Variants in NFATC1 observed in about 807,000 individuals in gnomAD.
The protein encoded by NFATC1 is nuclear factor of activated T cells 1, also known as nuclear factor of activated T-cells, cytoplasmic 1.
NFATC1 carries 22 observed loss-of-function variants against 76.0 expected under a neutral mutation model. That is an observed-to-expected ratio of 0.29 (90% CI 0.21 to 0.41). The LOEUF (loss-of-function observed/expected upper bound fraction) is 0.41, where lower values mean the gene tolerates loss of function less well. NFATC1 is among the 10% of genes least tolerant of loss of function. The pLI is 1.00. For synonymous variants in NFATC1, 704 were observed against 613.1 expected (o/e 1.15, Z -2.19); for missense variants, 1,357 against 1,337.7 (o/e 1.01, Z -0.23).
At chr18:79,503,640 T>A (rs2090059412) in intron 9 of NFATC1, among the ~76,000 whole-genome samples, 1 of 152,136 alleles carries the variant, frequency 6.6e-6, no homozygotes, top group African/African-American at 2.4e-5. Flanking sequence ...GGACACTGGA[T>A]TCAACTTAAA....
intron 9 of NFATC1, among the ~76,000 whole-genome samples, chr18:79,525,632 C>T (rs1291631970): frequency 6.6e-6 from 1 of 152,220 alleles, no homozygotes; most frequent in Admixed American, 6.5e-5. Context: ...GTGTCCCCAC[C>T]TTTCCCCTGT....
At chr18:79,443,370 A>G (rs1250054643) in intron 3 of NFATC1, among the ~76,000 whole-genome samples, 1 of 152,204 alleles carries the variant, frequency 6.6e-6, no homozygotes, top group African/African-American at 2.4e-5. Flanking sequence ...GGTCAGTCAC[A>G]CGGATTCTGC....
chr18:79,502,844 A>T (rs577203991), intron 9 of NFATC1, among the ~76,000 whole-genome samples: 1 of 152,318 alleles, frequency 6.6e-6, no homozygotes, highest in Non-Finnish European at 1.5e-5. Flanking sequence ...AGACGAGGAG[A>T]AATTGGGCCC....
intron 2 of NFATC1, among the ~76,000 whole-genome samples, chr18:79,432,896 T>C (rs73969249): frequency 0.053 from 8,018 of 152,288 alleles, 707 homozygotes; most frequent in African/African-American, 0.18. Flanking sequence ...AGCTGGGCTG[T>C]AGGCTCTGAG....
chr18:79,455,234 A>G (rs1478799316), intron 6 of NFATC1, among the ~76,000 whole-genome samples: 2 of 152,174 alleles, frequency 1.3e-5, no homozygotes. Context: ...CGCGGAAGCC[A>G]CACTACGACG....
At chr18:79,405,260 G>C (rs553779439) in intron 1 of NFATC1, among the ~76,000 whole-genome samples, 2 of 152,326 alleles carry the variant, frequency 1.3e-5, no homozygotes, top group South Asian at 4.1e-4. Context: ...TCATTGCTTA[G>C]AATCCAGCTG....
At chr18:79,429,784 G>A (rs1186422011) in intron 2 of NFATC1, among the ~76,000 whole-genome samples, 1 of 152,176 alleles carries the variant, frequency 6.6e-6, no homozygotes, top group African/African-American at 2.4e-5. Flanking sequence ...AACCATTCTT[G>A]CTGTAAGCCA....
intron 8 of NFATC1, among the ~76,000 whole-genome samples, chr18:79,485,273 C>T (rs2089460775): frequency 2.6e-5 from 4 of 152,256 alleles, no homozygotes; most frequent in Admixed American, 2.6e-4. Flanking sequence ...GCGTAGCATT[C>T]GCTCAGAGTG....
At chr18:79,495,378 A>G (rs2089852068) in intron 9 of NFATC1, among the ~76,000 whole-genome samples, 1 of 152,262 alleles carries the variant, frequency 6.6e-6, no homozygotes, top group African/African-American at 2.4e-5. Flanking sequence ...TCTAGTTGAA[A>G]TATCAGTCTA....
intron 8 of NFATC1, among the ~76,000 whole-genome samples, chr18:79,476,437 G>T (rs1414706853): frequency 6.6e-6 from 1 of 152,224 alleles, no homozygotes; most frequent in African/African-American, 2.4e-5. Flanking sequence ...AGCGTCCTTT[G>T]TCATCAGCCT....
intron 6 of NFATC1, among the ~76,000 whole-genome samples, 159 bp from the exon 7 acceptor site, chr18:79,461,152 G>A (rs903697698): frequency 6.6e-6 from 1 of 152,228 alleles, no homozygotes; most frequent in African/African-American, 2.4e-5. Flanking sequence ...GGCTCCTGAG[G>A]TGCTGCCCTC....
chr18:79,444,096 G>A lies in NFATC1; in HGVS notation c.1387-4686G>A, dbSNP rs141182282. On this transcript the variant is annotated intron_variant, in intron 3 of 9. Coordinates refer to ENST00000427363, the MANE Select transcript of NFATC1 (RefSeq NM_001278669.2). ...GGAGGCTGGCAACTGTGGCCAAACA[G>A]GTAGAAATAAAACCTGAAATGAGAA... 6.6e-5 allele frequency among the ~76,000 whole-genome samples: 10 copies of A among 152,350 alleles called. No individual in the cohort carries two copies. In the East Asian group the frequency reaches 1.9e-3, roughly 29 times the overall value.
chr18:79,520,283 T>C (rs2090486293), intron 9 of NFATC1, among the ~76,000 whole-genome samples: 1 of 150,618 alleles, frequency 6.6e-6, no homozygotes, highest in Non-Finnish European at 1.5e-5. Context: ...TTGCTGCCTC[T>C]GCAGATGCCT....
At chr18:79,439,578 A>G (rs1600716347) in intron 3 of NFATC1, among the ~76,000 whole-genome samples, 2 of 152,236 alleles carry the variant, frequency 1.3e-5, no homozygotes, top group Non-Finnish European at 2.9e-5. Flanking sequence ...CTGGACTGCT[A>G]AGCGCATAAA....
chr18:79,466,701 G>A (rs536552246), intron 7 of NFATC1, among the ~76,000 whole-genome samples: 10 of 152,330 alleles, frequency 6.6e-5, no homozygotes, highest in East Asian at 3.9e-4. Flanking sequence ...CGGGGTCTGC[G>A]GGGGTCAGGG....
At chr18:79,499,875 CAATG>C (rs1194856712) in intron 9 of NFATC1, among the ~76,000 whole-genome samples, 20 of 152,078 alleles carry the variant, frequency 1.3e-4, no homozygotes, top group Admixed American at 6.6e-4. Flanking sequence ...TTACTAGAAA[CAATG>C]AACTGTCAGT....
intron 9 of NFATC1, among the ~76,000 whole-genome samples, chr18:79,504,516 A>C (rs8091512): frequency 6.6e-6 from 1 of 152,190 alleles, no homozygotes; most frequent in Non-Finnish European, 1.5e-5. Context: ...TGACAACAGT[A>C]ACCCCAAAGA....
At position 79,411,343 on chromosome 18, in the gene NFATC1, C is replaced by T; in HGVS notation, c.1068C>T (p.Asp356=). 6.3e-7 allele frequency: 1 copy of T among 1,595,648 alleles called. No individual in the cohort carries two copies. Among genetic ancestry groups the T allele is most frequent in the Non-Finnish European group, 8.5e-7 (1 of 1,172,998 alleles). ...TCAAGGTGGAGCCCGTCGGGGAGGA[C>T]CTGGGCAGCCCCCCGCCCCCGGCCG... ...VALKVEPVGE[D]LGSPPPPADF... The change falls in exon 2 of 10, where the codon GAC becomes GAT. Residue 356 remains aspartate (D), a synonymous_variant. Coordinates refer to ENST00000427363, the MANE Select transcript of NFATC1 (RefSeq NM_001278669.2).
intron 9 of NFATC1, among the ~76,000 whole-genome samples, chr18:79,487,675 G>A (rs764640150): frequency 3.3e-5 from 5 of 152,222 alleles, no homozygotes; most frequent in Admixed American, 1.3e-4. Context: ...GCGCCGTGGC[G>A]TTCTTCTCGA....
Sources: gnomAD v4.1 joint callset for allele counts (sites outside exome capture counted in the v4.1 genomes callset) on GRCh38, gnomAD v4.1.1 for gene constraint, MANE v1.5 for transcripts, NCBI Gene and HGNC (gene_info 2026-07-23, HGNC 2026-07-21) for gene names.